Variants in VPS54 observed in about 807,000 individuals in gnomAD.
VPS54 encodes vacuolar protein sorting-associated protein 54.
A neutral mutation model predicts 121.5 loss-of-function variants in VPS54; 45 were observed. The observed-to-expected ratio is 0.37, with a 90% CI of 0.29 to 0.47. VPS54 has a LOEUF of 0.47. Ranked by LOEUF, VPS54 falls within the 20% of genes least tolerant of loss-of-function variation. The pLI, the probability that VPS54 is intolerant of heterozygous loss-of-function variation, is 0.99. For missense variants in VPS54, 1,090 were observed against 1,131.4 expected, an observed-to-expected ratio of 0.96 and a Z score of 0.52; for synonymous variants, 371 against 385.8, an observed-to-expected ratio of 0.96 and a Z score of 0.45.
chr2:63,949,259 G>C, intron 7 of VPS54, 96 bp from the exon 8 acceptor site: 2 of 1,221,734 alleles, frequency 1.6e-6, no homozygotes, highest in East Asian at 2.4e-5. Context: ...TTTTTCAGTT[G>C]ACAGTACCTG....
chr2:64,010,729 T>A (rs950004534), intron 1 of VPS54, among the ~76,000 whole-genome samples: 13 of 152,234 alleles, frequency 8.5e-5, no homozygotes, highest in African/African-American at 3.1e-4. Flanking sequence ...TAAATTTTTT[T>A]AAAATGCGTA....
chr2:63,902,565 AC>A (rs1260284031), intron 20 of VPS54, among the ~76,000 whole-genome samples: 7 of 152,166 alleles, frequency 4.6e-5, no homozygotes, highest in Admixed American at 4.6e-4. Flanking sequence ...TAAAAAAAAA[AC>A]AAAATATACA....
At chr2:63,960,103 G>C (rs970864882) in intron 7 of VPS54, among the ~76,000 whole-genome samples, 6 of 151,890 alleles carry the variant, frequency 4.0e-5, no homozygotes, top group Admixed American at 3.3e-4. Context: ...AGGCTGAGGT[G>C]AGAGAATGGC....
chr2:63,979,667 T>G (rs540763888), intron 3 of VPS54, among the ~76,000 whole-genome samples: 1 of 152,358 alleles, frequency 6.6e-6, no homozygotes, highest in South Asian at 2.1e-4. Context: ...CCACAAATCC[T>G]GATATGTTGT....
chr2:63,978,831 G>C (rs2104606421), intron 3 of VPS54, among the ~76,000 whole-genome samples: 1 of 152,240 alleles, frequency 6.6e-6, no homozygotes, highest in East Asian at 1.9e-4. Flanking sequence ...TGTTGGCCAG[G>C]CTGGTCTCGA....
In VPS54 at chr2:63,919,864, T is replaced by C. The variant is rs1320073990; in HGVS notation, c.2164+19A>G. 2 of 1,551,962 alleles carry C rather than the reference T, an allele frequency of 1.3e-6. No homozygotes were observed. The highest frequency in any genetic ancestry group is 1.2e-5 in the South Asian group (1 of 85,084). On this transcript the variant is annotated intron_variant, in intron 15 of 22. Coordinates refer to ENST00000272322, the MANE Select transcript of VPS54 (RefSeq NM_016516.3). ...AACAATATAAAATTGAAAGAGAATG[T>C]GTGAATGAATACACATACCTCCTGA...
chr2:63,904,150 A>G (rs1002424691), intron 20 of VPS54, among the ~76,000 whole-genome samples: 6 of 152,184 alleles, frequency 3.9e-5, no homozygotes, highest in Non-Finnish European at 7.3e-5. Flanking sequence ...CATAAAAAGG[A>G]TATCACAGGC....
intron 3 of VPS54, among the ~76,000 whole-genome samples, chr2:63,981,385 CT>C (rs1676793171): frequency 6.6e-6 from 1 of 152,064 alleles, no homozygotes; most frequent in African/African-American, 2.4e-5. Context: ...TCATTTTCTC[CT>C]TGGTAAGCAG....
chr2:63,982,523 C>T (rs144352748), intron 2 of VPS54, among the ~76,000 whole-genome samples: 1 of 152,272 alleles, frequency 6.6e-6, no homozygotes, highest in Non-Finnish European at 1.5e-5. Context: ...ATAGTTTCAT[C>T]AACTGATCAA....
chr2:63,941,958 C>G (rs970698483), intron 11 of VPS54, among the ~76,000 whole-genome samples: 7 of 146,024 alleles, frequency 4.8e-5, no homozygotes, highest in Non-Finnish European at 1.0e-4. Context: ...CACTTGAACC[C>G]GGGAGGGAGA....
chr2:63,932,249 A>C (rs905729360), intron 12 of VPS54, among the ~76,000 whole-genome samples: 2 of 152,224 alleles, frequency 1.3e-5, no homozygotes, highest in Non-Finnish European at 2.9e-5. Flanking sequence ...AAAGACTTGG[A>C]ACCAACCCAA....
At chr2:63,923,243 T>C (rs569356359) in intron 12 of VPS54, among the ~76,000 whole-genome samples, 13 of 150,920 alleles carry the variant, frequency 8.6e-5, no homozygotes, top group Admixed American at 2.6e-4. Flanking sequence ...GTGAACCCGG[T>C]AGGCAGAGCT....
At chr2:63,899,865 C>G (rs1672603236) in intron 20 of VPS54, among the ~76,000 whole-genome samples, 1 of 152,148 alleles carries the variant, frequency 6.6e-6, no homozygotes, top group Non-Finnish European at 1.5e-5. Context: ...CAGCTCCTCC[C>G]ATTCTAAGCT....
At chr2:63,974,348 T>A (rs558754963) in intron 3 of VPS54, among the ~76,000 whole-genome samples, 4 of 152,240 alleles carry the variant, frequency 2.6e-5, no homozygotes, top group Non-Finnish European at 5.9e-5. Flanking sequence ...TTGATTACTG[T>A]AGCTTTATAG....
chr2:63,966,104 T>C (rs1394284159), intron 5 of VPS54, 138 bp from the exon 6 acceptor site: 1 of 805,400 alleles, frequency 1.2e-6, no homozygotes, highest in Non-Finnish European at 1.9e-6. Context: ...ACAGTTGAGT[T>C]CTTTACACAA....
At chr2:63,926,818 C>G (rs1377910068) in intron 12 of VPS54, among the ~76,000 whole-genome samples, 1 of 152,182 alleles carries the variant, frequency 6.6e-6, no homozygotes, top group Admixed American at 6.5e-5. Context: ...TTGCAACAGG[C>G]AGACCAGGAG....
chr2:63,931,053 TAAG>T (rs755212664), intron 12 of VPS54, among the ~76,000 whole-genome samples: 3 of 152,090 alleles, frequency 2.0e-5, no homozygotes, highest in Non-Finnish European at 2.9e-5. Flanking sequence ...TGCTCATGGA[TAAG>T]AAGAATCAAT....
intron 12 of VPS54, among the ~76,000 whole-genome samples, chr2:63,924,755 C>A (rs536682884): frequency 3.3e-5 from 5 of 152,170 alleles, no homozygotes; most frequent in Non-Finnish European, 7.4e-5. Flanking sequence ...GAAATAGAGT[C>A]CAGAAACAGA....
rs1672307402 is a variant in VPS54 at position 63,893,366 on chromosome 2, C to T, written c.*64G>A. The stretch of plus-strand genomic sequence containing the variant: ...GTTCAATTCTCGAATCACAGGCATC[C>T]AGATTTTCTTCATAACAAACACATC... On this transcript the variant is annotated 3_prime_UTR_variant, in exon 23 of 23. Transcript: ENST00000272322. 1.4e-6 allele frequency: 2 copies of T among 1,392,148 alleles called. No individual in the cohort carries two copies. Among genetic ancestry groups the T allele is most frequent in the African/African-American group, 1.4e-5 (1 of 70,406 alleles). 86.2% of individuals were successfully genotyped at this position (1,392,148 alleles called of 1,614,324 possible). A position where few individuals can be genotyped will look rare whatever the true frequency, so the allele number is the denominator to read the frequency against.
Sources: gnomAD v4.1 joint callset for allele counts (sites outside exome capture counted in the v4.1 genomes callset) on GRCh38, gnomAD v4.1.1 for gene constraint, MANE v1.5 for transcripts, NCBI Gene and HGNC (gene_info 2026-07-23, HGNC 2026-07-21) for gene names.